HFM1: variants seen among roughly 807,000 people sequenced by gnomAD.
HFM1 encodes probable ATP-dependent DNA helicase HFM1.
In HFM1, 169 loss-of-function variants were observed where a neutral mutation model predicts 192.1. The ratio of observed to expected loss-of-function variants is 0.88; its 90% CI spans 0.78 to 1.00. The LOEUF (loss-of-function observed/expected upper bound fraction) is 1.00. Among genes scored for constraint, HFM1 ranks in the 50% least tolerant of loss-of-function variants. The pLI is 0.00. For missense variants in HFM1, 1,661 were observed against 1,668.0 expected (o/e 1.00, Z 0.07); for synonymous variants, 525 against 537.8 (o/e 0.98, Z 0.33).
chr1:91,261,378 A>T lies in HFM1; in HGVS notation c.4239-19T>A, dbSNP rs753866682. 8.2e-7 allele frequency: 1 copy of T among 1,221,670 alleles called. No homozygotes were observed. The highest frequency in any genetic ancestry group is 3.3e-5 in the Admixed American group (1 of 30,014). The allele number at this position is 1,221,670 out of a possible 1,614,324, so 75.7% of individuals were successfully genotyped here. ...ATACATACTGGGAGAAAGAAGAAAA[A>T]GTAAAAATAACTATTTTTTAACACA... On this transcript the variant is annotated intron_variant, in intron 38 of 38. Coordinates refer to ENST00000370425, the MANE Select transcript of HFM1 (RefSeq NM_001017975.6).
chr1:91,322,557 C>T (rs760065582), intron 23 of HFM1, among the ~76,000 whole-genome samples: 1 of 152,102 alleles, frequency 6.6e-6, no homozygotes, highest in African/African-American at 2.4e-5. Flanking sequence ...ATATACACGC[C>T]TTTACTCATG....
Position 91,378,059 on chromosome 1 carries a change from A to AC in HFM1, c.1360dup (p.Val454GlyfsTer11), listed in dbSNP as rs1661110878. 4.3e-6 allele frequency: 7 copies of AC among 1,612,444 alleles called. No individual in the cohort carries two copies. Among genetic ancestry groups the AC allele is most frequent in the Non-Finnish European group, 5.9e-6 (7 of 1,179,016 alleles). ...ATTTGGAATTGTTGCAGATACAGCT[A>AC]CAAATCGCATTGGAATAGCAGTGCT... On this transcript the variant is annotated frameshift_variant, in exon 11 of 39. Coordinates refer to ENST00000370425, the MANE Select transcript of HFM1 (RefSeq NM_001017975.6). LOFTEE classifies it high-confidence loss of function.
chr1:91,268,855 G>A (rs1436723935), intron 34 of HFM1, among the ~76,000 whole-genome samples: 1 of 151,936 alleles, frequency 6.6e-6, no homozygotes, highest in Non-Finnish European at 1.5e-5. Flanking sequence ...TATTTTTGTT[G>A]ACTCTAACAA....
intron 4 of HFM1, among the ~76,000 whole-genome samples, chr1:91,390,955 C>A (rs532583181): frequency 7.2e-5 from 11 of 152,258 alleles, no homozygotes; most frequent in Non-Finnish European, 1.3e-4. Flanking sequence ...TTCCTGTACA[C>A]CAATAACAGA....
intron 25 of HFM1, 25 bp downstream of exon 25, chr1:91,319,053 C>A: frequency 6.4e-7 from 1 of 1,561,330 alleles, no homozygotes; most frequent in Non-Finnish European, 8.6e-7. Context: ...CATGGCCAAA[C>A]TGCCTGCCTG....
rs1309991793 is a variant in HFM1, at chr1:91,276,846, T to C, written c.3473-103A>G. 4 of 812,102 alleles carry C rather than the reference T, an allele frequency of 4.9e-6. No individual in the cohort carries two copies. In the Admixed American group the frequency reaches 8.2e-5, roughly 17 times the overall value. The allele number at this position is 812,102 out of a possible 1,614,324, so 50.3% of individuals were successfully genotyped here. A position where few individuals can be genotyped will look rare whatever the true frequency, so the allele number is the denominator to read the frequency against. Reference sequence around the variant, plus strand: ...AAATCTAGTATTTACTTTTTTCATGTTGCCCACAGAGAGAAAATTATTTGC... The same window carrying C: ...AAATCTAGTATTTACTTTTTTCATGCTGCCCACAGAGAGAAAATTATTTGC... On this transcript the variant is annotated intron_variant, in intron 31 of 38. Transcript: ENST00000370425.
chr1:91,276,800 G>T, intron 31 of HFM1, 57 bp from the exon 32 acceptor site: 1 of 930,364 alleles, frequency 1.1e-6, no homozygotes. Context: ...TTCTTATAAA[G>T]TCAAATTTCT....
chr1:91,369,320 CT>C (rs1451947962), intron 13 of HFM1, among the ~76,000 whole-genome samples: 1 of 152,134 alleles, frequency 6.6e-6, no homozygotes, highest in Non-Finnish European at 1.5e-5. Flanking sequence ...CACACCACAC[CT>C]ATTCCAAAAT....
At chr1:91,288,916 C>T (rs1421111654) in intron 30 of HFM1, among the ~76,000 whole-genome samples, 3 of 150,754 alleles carry the variant, frequency 2.0e-5, no homozygotes, top group African/African-American at 4.9e-5. Context: ...GGGTGGCGGC[C>T]GGGCAGAGGG....
At chr1:91,393,372 C>A (rs1049217533) in intron 4 of HFM1, among the ~76,000 whole-genome samples, 3 of 152,158 alleles carry the variant, frequency 2.0e-5, no homozygotes, top group Non-Finnish European at 2.9e-5. Flanking sequence ...ACATACCCAA[C>A]TGAATATCTG....
intron 4 of HFM1, among the ~76,000 whole-genome samples, chr1:91,391,456 C>T (rs759896729): frequency 6.1e-4 from 93 of 152,332 alleles, no homozygotes; most frequent in Non-Finnish European, 9.8e-4. Context: ...CACACATCTA[C>T]AACCATCTGA....
intron 23 of HFM1, among the ~76,000 whole-genome samples, chr1:91,322,055 T>C (rs12080491): frequency 0.2 from 30,543 of 152,172 alleles, 3,475 homozygotes; most frequent in Non-Finnish European, 0.26. Flanking sequence ...GGCTATATGA[T>C]CTCTTAAGTT....
chr1:91,323,038 A>G, intron 22 of HFM1, 41 bp from the exon 23 acceptor site: 1 of 1,328,546 alleles, frequency 7.5e-7, no homozygotes, highest in Non-Finnish European at 1.0e-6. Flanking sequence ...ATTATTATTT[A>G]TTTTAATTAA....
chr1:91,289,868 C>CGAGAGGGAGAGG (rs1056369831), intron 30 of HFM1, among the ~76,000 whole-genome samples: 1 of 151,658 alleles, frequency 6.6e-6, no homozygotes, highest in Non-Finnish European at 1.5e-5. Context: ...GAGAGGGAGA[C>CGAGAGGGAGAGG]GAGAGGGAGA....
Position 91,350,744 on chromosome 1 carries a change from G to C in HFM1, c.2200C>G (p.His734Asp). 6.2e-7 allele frequency: 1 copy of C among 1,610,138 alleles called. No homozygotes were observed. Among genetic ancestry groups the C allele is most frequent in the Non-Finnish European group, 8.5e-7 (1 of 1,178,208 alleles). ...LYIRALKNPS[H>D]YGFASGLNKD... The stretch of plus-strand genomic sequence containing the variant: ...CCAAGTCAAAGTAACAAACCATAAT[G>C]AGATGGATTTTTCAAGGCTCTGATA... The change falls in exon 18 of 39, where the codon CAT becomes GAT. Residue 734 changes from histidine to aspartate, a missense_variant. By Grantham distance (81) the His-to-Asp change is moderately conservative. Transcript: ENST00000370425.
At chr1:91,294,065 G>A (rs1309165018) in intron 30 of HFM1, among the ~76,000 whole-genome samples, 4 of 131,334 alleles carry the variant, frequency 3.0e-5, no homozygotes, top group Non-Finnish European at 4.8e-5. Flanking sequence ...GGGGGGAGGG[G>A]GAAGGGATAG....
Position 91,321,038 on chromosome 1 carries a change from A to T in HFM1, c.2583-1648T>A, listed in dbSNP as rs560424790. ...CCAGGGCTTCGTATGGTGGCTCCAC[A>T]TCATACCCTGTCAGTTCACTGAAAA... On this transcript the variant is annotated intron_variant, in intron 23 of 38. Transcript: ENST00000370425. Among the ~76,000 whole-genome samples, 5 of 152,340 alleles carry T rather than the reference A, an allele frequency of 3.3e-5. No individual in the cohort carries two copies. In the South Asian group the frequency reaches 8.3e-4, roughly 25 times the overall value.
At chr1:91,326,398 TG>T (rs1399975090) in intron 20 of HFM1, among the ~76,000 whole-genome samples, 1 of 152,052 alleles carries the variant, frequency 6.6e-6, no homozygotes, top group African/African-American at 2.4e-5. Context: ...GGAGCTCCAA[TG>T]TGTCTGGCAG....
At chr1:91,385,067 A>C (rs1662025843) in intron 6 of HFM1, 120 bp downstream of exon 6, 1 of 714,892 alleles carries the variant, frequency 1.4e-6, no homozygotes, top group Non-Finnish European at 2.4e-6. Context: ...CAACACCAAA[A>C]AGATTAATTT....
Sources: allele counts gnomAD v4.1 joint callset (sites outside exome capture counted in the v4.1 genomes callset), GRCh38; gene constraint gnomAD v4.1.1; transcripts MANE v1.5; gene names NCBI Gene and HGNC (gene_info 2026-07-23, HGNC 2026-07-21).